Variants in DNAJA3 observed in about 807,000 individuals in gnomAD.
The protein encoded by DNAJA3 is DnaJ heat shock protein family (Hsp40) member A3.
A neutral mutation model predicts 54.9 loss-of-function variants in DNAJA3; 29 were observed. The observed-to-expected ratio is 0.53, with a 90% CI of 0.39 to 0.72. The LOEUF is 0.72. Among genes scored for constraint, DNAJA3 ranks in the 30% least tolerant of loss-of-function variants. DNAJA3 has a pLI of 0.00. For missense variants in DNAJA3, 708 were observed against 639.4 expected, an observed-to-expected ratio of 1.11 and a Z score of -1.16; for synonymous variants, 302 against 251.4, an observed-to-expected ratio of 1.20 and a Z score of -1.90.
intron 10 of DNAJA3, among the ~76,000 whole-genome samples, chr16:4,451,897 A>G: frequency 3.7e-5 from 1 of 26,740 alleles, no homozygotes; most frequent in Non-Finnish European, 1.6e-4. Context: ...TGTCTCTACT[A>G]AAAAAAAAAA....
rs1387584389 is a variant in DNAJA3 at position 4,434,135 on chromosome 16, A to G, written c.212-249A>G. ...CCTCATAAAACTATCAGATCTCATG[A>G]GAACTTACTATCGCGAGACCAGCAT... On this transcript the variant is annotated intron_variant, in intron 1 of 11. Transcript: ENST00000262375. 37 of 465,522 alleles carry G rather than the reference A, an allele frequency of 7.9e-5. No individual in the cohort carries two copies. The East Asian group carries it at 1.6e-3, about 20-fold the overall frequency. 28.8% of individuals were successfully genotyped at this position (465,522 alleles called of 1,614,324 possible). A position where few individuals can be genotyped will look rare whatever the true frequency, so the allele number is the denominator to read the frequency against.
At position 4,442,907 on chromosome 16, in the gene DNAJA3, A is replaced by T. The variant is rs911723331; in HGVS notation, c.784-110A>T. ...AGGCAGTGTGTTTGAGTGCACATGC[A>T]CATAAAAAACAAGCCTTAAAGAGAC... is the stretch of plus-strand genomic sequence containing the variant. On this transcript the variant is annotated intron_variant, in intron 5 of 11. Transcript: ENST00000262375. The T allele has an allele frequency of 1.3e-5, 16 of 1,248,658 alleles. No individual in the cohort carries two copies. In the African/African-American group the frequency reaches 2.2e-4, roughly 18 times the overall value. The allele number at this position is 1,248,658 out of a possible 1,614,324, so 77.3% of individuals were successfully genotyped here. A position where few individuals can be genotyped will look rare whatever the true frequency, so the allele number is the denominator to read the frequency against.
chr16:4,447,833 G>A (rs1296309633), intron 8 of DNAJA3: 2 of 145,754 alleles, frequency 1.4e-5, no homozygotes, highest in African/African-American at 5.0e-5. Context: ...TTTTTGAGAT[G>A]GAGTCTCGCT....
chr16:4,455,956 C>T lies in DNAJA3; in HGVS notation c.*424C>T, dbSNP rs2057030685. 1 of 243,306 alleles carries T rather than the reference C, an allele frequency of 4.1e-6. No individual in the cohort carries two copies. The highest frequency in any genetic ancestry group is 9.7e-5 in the South Asian group (1 of 10,334). 15.1% of individuals were successfully genotyped at this position (243,306 alleles called of 1,614,324 possible). On this transcript the variant is annotated 3_prime_UTR_variant, in exon 12 of 12. Coordinates refer to ENST00000262375, the MANE Select transcript of DNAJA3 (RefSeq NM_005147.6). ...GTGATTAATTTCCTTCTCAGCAAACCTCCGGGAGGTTCCAGAATGAGTTCT... is the reference window on the plus strand; with the variant it reads ...GTGATTAATTTCCTTCTCAGCAAACTTCCGGGAGGTTCCAGAATGAGTTCT...
intron 7 of DNAJA3, among the ~76,000 whole-genome samples, chr16:4,446,280 G>C (rs1207758759): frequency 7.3e-6 from 1 of 136,644 alleles, no homozygotes; most frequent in Non-Finnish European, 1.5e-5. Flanking sequence ...GTCTCGCTCT[G>C]TTGCTCAGGC....
chr16:4,443,067 T>C lies in DNAJA3; in HGVS notation c.834T>C (p.Cys278=). 6.2e-7 allele frequency: 1 copy of C among 1,613,844 alleles called. No individual in the cohort carries two copies. The highest frequency in any genetic ancestry group is 1.1e-5 in the South Asian group (1 of 91,054). ...PFVMRSTCRR[C]GGRGSIIISP... is the part of the protein sequence containing the mutation. Reference sequence around the variant, plus strand: ...TGATGCGTTCCACGTGTAGGAGATGTGGTGGCCGCGGCTCCATCATCATAT... The same window carrying C: ...TGATGCGTTCCACGTGTAGGAGATGCGGTGGCCGCGGCTCCATCATCATAT... Residue 278 remains cysteine, a synonymous_variant, in exon 6 of 12, where the codon TGT becomes TGC. Coordinates refer to ENST00000262375, the MANE Select transcript of DNAJA3 (RefSeq NM_005147.6).
At chr16:4,451,486 G>A (rs1317276580) in intron 10 of DNAJA3, among the ~76,000 whole-genome samples, 2 of 152,038 alleles carry the variant, frequency 1.3e-5, no homozygotes, top group Non-Finnish European at 2.9e-5. Flanking sequence ...GCCGGGCGCA[G>A]TGGCTCTTGC....
intron 9 of DNAJA3, among the ~76,000 whole-genome samples, chr16:4,449,157 C>T (rs952950785): frequency 5.9e-5 from 9 of 151,708 alleles, no homozygotes; most frequent in African/African-American, 9.7e-5. Flanking sequence ...CCACCATGCC[C>T]GGCTAATTTT....
chr16:4,437,353 T>TTTGGGGTTCACATTGTATCTGGAGTAA, intron 2 of DNAJA3, 49 bp from the exon 3 acceptor site: 1 of 1,489,448 alleles, frequency 6.7e-7, no homozygotes, highest in Non-Finnish European at 9.4e-7. Flanking sequence ...GTTTCTGGTA[T>TTTGGGGTTCACATTGTATCTGGAGTAA]TTGGGGTTCA....
At chr16:4,427,759 C>A (rs1256776884) in intron 1 of DNAJA3, among the ~76,000 whole-genome samples, 6 of 152,212 alleles carry the variant, frequency 3.9e-5, no homozygotes, top group Admixed American at 3.9e-4. Context: ...ACCTTGACCT[C>A]CCAGGTTCAA....
intron 9 of DNAJA3, chr16:4,449,633 C>T (rs753521925): frequency 2.6e-5 from 4 of 152,062 alleles, no homozygotes; most frequent in Non-Finnish European, 5.9e-5. Flanking sequence ...CCTTGACTTC[C>T]CAAAGTGGTG....
chr16:4,455,502 T>A, intron 11 of DNAJA3, 44 bp from the exon 12 acceptor site: 1 of 1,550,738 alleles, frequency 6.4e-7, no homozygotes, highest in African/African-American at 1.4e-5. Flanking sequence ...GTGTGTTCCC[T>A]TGAAATGTTG....
chr16:4,445,833 T>C (rs1422330877), intron 7 of DNAJA3, among the ~76,000 whole-genome samples: 1 of 152,168 alleles, frequency 6.6e-6, no homozygotes, highest in African/African-American at 2.4e-5. Flanking sequence ...ATTACAGGTA[T>C]GAGCCACTGC....
intron 2 of DNAJA3, 44 bp downstream of exon 2, chr16:4,434,561 A>T (rs1165362715): frequency 6.3e-7 from 1 of 1,598,424 alleles, no homozygotes; most frequent in Non-Finnish European, 8.5e-7. Flanking sequence ...TGTAGTAGGA[A>T]TGTTGTTGAT....
chr16:4,440,428 A>C (rs1301280889), intron 3 of DNAJA3: 1 of 151,754 alleles, frequency 6.6e-6, no homozygotes, highest in East Asian at 2.0e-4. Context: ...GTCTCTACTA[A>C]AAATACAAAA....
intron 1 of DNAJA3, among the ~76,000 whole-genome samples, chr16:4,430,334 G>A (rs1159323110): frequency 6.6e-6 from 1 of 151,946 alleles, no homozygotes; most frequent in African/African-American, 2.4e-5. Flanking sequence ...TTGGGAGGTG[G>A]GTTGATCGCC....
At chr16:4,432,754 T>G (rs1162686851) in intron 1 of DNAJA3, among the ~76,000 whole-genome samples, 1 of 151,974 alleles carries the variant, frequency 6.6e-6, no homozygotes, top group African/African-American at 2.4e-5. Flanking sequence ...GAGAGTCGCT[T>G]GAACCCAGCA....
chr16:4,435,502 G>A (rs58958001), intron 2 of DNAJA3, among the ~76,000 whole-genome samples: 328 of 152,118 alleles, frequency 2.2e-3, no homozygotes, highest in African/African-American at 6.9e-3. Flanking sequence ...CTCTCTCCCC[G>A]GTCCCTAGCA....
intron 2 of DNAJA3, among the ~76,000 whole-genome samples, chr16:4,434,886 C>A (rs1443247123): frequency 1.0e-5 from 1 of 100,174 alleles, no homozygotes; most frequent in Non-Finnish European, 1.9e-5. Context: ...CCTTTCCTTT[C>A]TTTTTTTTTT....
Sources: allele counts gnomAD v4.1 joint callset (sites outside exome capture counted in the v4.1 genomes callset), GRCh38; gene constraint gnomAD v4.1.1; transcripts MANE v1.5; gene names NCBI Gene and HGNC (gene_info 2026-07-23, HGNC 2026-07-21).